EEFSEC: variants seen among roughly 807,000 people sequenced by gnomAD.
EEFSEC encodes the protein eukaryotic elongation factor, selenocysteine-tRNA specific.
In EEFSEC, 43 loss-of-function variants were observed where a neutral mutation model predicts 42.1. That is an observed-to-expected ratio of 1.02 (90% confidence interval 0.80 to 1.32). The LOEUF (loss-of-function observed/expected upper bound fraction) is 1.32, where lower values mean the gene tolerates loss of function less well. EEFSEC is among the 40% of genes most tolerant of loss of function. The pLI, the probability that EEFSEC is intolerant of heterozygous loss-of-function variation, is 0.00. For synonymous variants in EEFSEC, 354 were observed against 339.1 expected (o/e 1.04, Z -0.48); for missense variants, 745 against 803.6 (o/e 0.93, Z 0.88).
rs377059121 is a variant in EEFSEC at position 128,228,024 on chromosome 3, C to T, written c.317-18812C>T. On this transcript the variant is annotated intron_variant, in intron 1 of 6. Coordinates refer to ENST00000254730, the MANE Select transcript of EEFSEC (RefSeq NM_021937.5). ...AACCTTTTTAAGTGTTACTAGGATGCCACCACTGAGGACTAGAGAAGAGTT... is the reference window on the plus strand; with the variant it reads ...AACCTTTTTAAGTGTTACTAGGATGTCACCACTGAGGACTAGAGAAGAGTT... Among the ~76,000 whole-genome samples, 6 of 152,218 alleles carry T rather than the reference C, an allele frequency of 3.9e-5. No homozygotes were observed. In the East Asian group the frequency reaches 9.6e-4, roughly 24 times the overall value.
At chr3:128,385,276 G>A (rs527633655) in intron 6 of EEFSEC, among the ~76,000 whole-genome samples, 60 of 152,316 alleles carry the variant, frequency 3.9e-4, no homozygotes, top group Admixed American at 9.8e-4. Flanking sequence ...GGCCAGGCAG[G>A]CAGCGCAGGA....
At chr3:128,270,220 G>C (rs766217943) in intron 4 of EEFSEC, among the ~76,000 whole-genome samples, 10 of 152,198 alleles carry the variant, frequency 6.6e-5, no homozygotes, top group Non-Finnish European at 1.5e-4. Context: ...GTTGCCATTT[G>C]ATATTATTCT....
At chr3:128,356,856 C>T (rs2067461165) in intron 5 of EEFSEC, among the ~76,000 whole-genome samples, 1 of 152,244 alleles carries the variant, frequency 6.6e-6, no homozygotes, top group African/African-American at 2.4e-5. Flanking sequence ...ACACTGCCTA[C>T]TCTCCTCTGT....
At chr3:128,355,149 C>T (rs1205091086) in intron 5 of EEFSEC, among the ~76,000 whole-genome samples, 2 of 152,206 alleles carry the variant, frequency 1.3e-5, no homozygotes, top group Non-Finnish European at 2.9e-5. Context: ...TTCACCAGGC[C>T]TGTAGTGGGT....
chr3:128,262,329 A>G, intron 3 of EEFSEC, 105 bp downstream of exon 3: 1 of 1,013,430 alleles, frequency 9.9e-7, no homozygotes, highest in Non-Finnish European at 1.5e-6. Flanking sequence ...CAGCCCTAGC[A>G]AGAGGACTCA....
intron 5 of EEFSEC, among the ~76,000 whole-genome samples, chr3:128,349,542 T>C (rs1576660947): frequency 2.0e-5 from 3 of 152,182 alleles, no homozygotes; most frequent in Admixed American, 6.5e-5. Context: ...GTGAGTGCTC[T>C]GCAATACCTG....
At chr3:128,268,971 C>A (rs564473981) in intron 4 of EEFSEC, among the ~76,000 whole-genome samples, 1 of 152,344 alleles carries the variant, frequency 6.6e-6, no homozygotes, top group Non-Finnish European at 1.5e-5. Context: ...GCCTTAAGTT[C>A]TTTCTGATCC....
At chr3:128,349,591 C>T (rs768668779) in intron 5 of EEFSEC, among the ~76,000 whole-genome samples, 3 of 152,206 alleles carry the variant, frequency 2.0e-5, no homozygotes, top group Non-Finnish European at 4.4e-5. Flanking sequence ...TACCACGCCC[C>T]AGGATGCCCT....
chr3:128,233,161 T>A (rs2065975640), intron 1 of EEFSEC, among the ~76,000 whole-genome samples: 1 of 152,216 alleles, frequency 6.6e-6, no homozygotes, highest in African/African-American at 2.4e-5. Context: ...CACTGACCCC[T>A]TTTCGGCAGA....
chr3:128,366,132 CA>C (rs1243377035), intron 6 of EEFSEC, among the ~76,000 whole-genome samples: 1 of 152,242 alleles, frequency 6.6e-6, no homozygotes, highest in Non-Finnish European at 1.5e-5. Context: ...GCCAGGCCTG[CA>C]GGAGTTGGGG....
intron 6 of EEFSEC, among the ~76,000 whole-genome samples, chr3:128,377,648 T>C (rs1026185454): frequency 4.6e-5 from 7 of 152,254 alleles, no homozygotes; most frequent in Admixed American, 2.6e-4. Flanking sequence ...GTAAATAACA[T>C]TGCTGGAAGC....
chr3:128,413,611 C>G (rs369243134), downstream of EEFSEC, among the ~76,000 whole-genome samples: 58 of 152,310 alleles, frequency 3.8e-4, 1 homozygote, highest in East Asian at 7.1e-3. Context: ...GTGCTCCCCC[C>G]ACGTTATCAC....
At chr3:128,311,293 C>T (rs1042663462) in intron 4 of EEFSEC, among the ~76,000 whole-genome samples, 8 of 152,228 alleles carry the variant, frequency 5.3e-5, no homozygotes, top group Admixed American at 3.3e-4. Context: ...CCTTCCTCTT[C>T]GGTAATGCTG....
At chr3:128,290,067 G>A (rs1362949632) in intron 4 of EEFSEC, among the ~76,000 whole-genome samples, 8 of 152,106 alleles carry the variant, frequency 5.3e-5, no homozygotes. Flanking sequence ...GTCTTTTGAA[G>A]GCTTTTAATT....
chr3:128,408,881 G>A (rs904537529), downstream of EEFSEC, among the ~76,000 whole-genome samples: 1 of 152,212 alleles, frequency 6.6e-6, no homozygotes, highest in East Asian at 1.9e-4. Context: ...GGGCAGCTGG[G>A]TCCAGGGAAG....
chr3:128,398,071 C>G (rs1307239599), intron 6 of EEFSEC, among the ~76,000 whole-genome samples: 1 of 152,246 alleles, frequency 6.6e-6, no homozygotes. Context: ...GGAGCTCTGA[C>G]CCCATTGGCA....
At chr3:128,409,112 C>A (rs1189282495), downstream of EEFSEC, among the ~76,000 whole-genome samples, 1 of 152,156 alleles carries the variant, frequency 6.6e-6, no homozygotes, top group Non-Finnish European at 1.5e-5. Context: ...CCTTGTAGCC[C>A]CAGGCTGTGG....
chr3:128,373,342 C>T (rs1000716057), intron 6 of EEFSEC, among the ~76,000 whole-genome samples: 2 of 152,192 alleles, frequency 1.3e-5, no homozygotes, highest in Non-Finnish European at 2.9e-5. Flanking sequence ...TCTTGCCTGC[C>T]TCCTCCACCT....
chr3:128,230,958 G>C (rs2065953802), intron 1 of EEFSEC, among the ~76,000 whole-genome samples: 1 of 152,166 alleles, frequency 6.6e-6, no homozygotes, highest in Non-Finnish European at 1.5e-5. Context: ...CTTCAGGTAG[G>C]TGGCCGGTGG....
Sources: gnomAD v4.1 joint callset for allele counts (sites outside exome capture counted in the v4.1 genomes callset) on GRCh38, gnomAD v4.1.1 for gene constraint, MANE v1.5 for transcripts, NCBI Gene and HGNC (gene_info 2026-07-23, HGNC 2026-07-21) for gene names.